KCNH8: variants seen among roughly 807,000 people sequenced by gnomAD.
KCNH8 encodes the protein potassium voltage-gated channel subfamily H member 8, also known as voltage-gated delayed rectifier potassium channel KCNH8.
In KCNH8, 70 loss-of-function variants were observed where a neutral mutation model predicts 103.6. The ratio of observed to expected loss-of-function variants is 0.68; its 90% CI spans 0.56 to 0.82. The LOEUF (loss-of-function observed/expected upper bound fraction) is 0.82. Among genes scored for constraint, KCNH8 ranks in the 40% least tolerant of loss-of-function variants. The pLI, the probability that KCNH8 is intolerant of heterozygous loss-of-function variation, is 0.00. For synonymous variants in KCNH8, 498 were observed against 489.4 expected (o/e 1.02, Z -0.23); for missense variants, 1,217 against 1,329.9 (o/e 0.92, Z 1.32).
intron 1 of KCNH8, among the ~76,000 whole-genome samples, chr3:19,168,494 A>G (rs1267910519): frequency 1.3e-5 from 2 of 152,206 alleles, no homozygotes; most frequent in African/African-American, 4.8e-5. Flanking sequence ...GCTGAGTCAT[A>G]TTCTACCCAT....
intron 12 of KCNH8, among the ~76,000 whole-genome samples, chr3:19,512,711 A>C (rs1356542781): frequency 6.6e-6 from 1 of 152,148 alleles, no homozygotes; most frequent in Non-Finnish European, 1.5e-5. Flanking sequence ...CCATGAAGAC[A>C]GTTTAAAAGA....
Position 19,253,683 on chromosome 3 carries a change from G to C in KCNH8, c.106G>C (p.Val36Leu), listed in dbSNP as rs1436393520. 1 of 1,613,450 alleles carries C rather than the reference G, an allele frequency of 6.2e-7. No homozygotes were observed. Among genetic ancestry groups the C allele is most frequent in the Non-Finnish European group, 8.5e-7 (1 of 1,179,798 alleles). ...HSNFILANAQ[V>L]AKGFPIVYCS... ...CAACTTCATCCTTGCCAATGCCCAG[G>C]TGGCTAAGGGTTTCCCCATAGTCTA... The change falls in exon 2 of 16, where the codon GTG becomes CTG. Residue 36 changes from valine to leucine, a missense_variant. This residue lies in a region of KCNH8 where 244 missense variants were observed against 256.8 expected (regional missense o/e 0.95). Transcript: ENST00000328405.
chr3:19,415,470 TTTA>T (rs1404791657), intron 7 of KCNH8, among the ~76,000 whole-genome samples: 10 of 151,814 alleles, frequency 6.6e-5, no homozygotes, highest in Middle Eastern at 3.4e-3. Context: ...TTTATTTATG[TTTA>T]TTATTCTACA....
chr3:19,431,612 GGTTT>G (rs763969803), intron 7 of KCNH8, among the ~76,000 whole-genome samples: 74 of 152,158 alleles, frequency 4.9e-4, no homozygotes, highest in East Asian at 7.7e-4. Flanking sequence ...TGTGGTCATG[GGTTT>G]GTTTGTTTGT....
At chr3:19,302,727 C>T (rs951501191) in intron 3 of KCNH8, among the ~76,000 whole-genome samples, 1 of 152,276 alleles carries the variant, frequency 6.6e-6, no homozygotes, top group South Asian at 2.1e-4. Flanking sequence ...TCTTCATCCC[C>T]AACCCTTTAT....
At chr3:19,442,791 T>C (rs2067302158) in intron 8 of KCNH8, among the ~76,000 whole-genome samples, 1 of 152,102 alleles carries the variant, frequency 6.6e-6, no homozygotes, top group Non-Finnish European at 1.5e-5. Flanking sequence ...CTAGGAAAAA[T>C]GATGCCTGCA....
chr3:19,515,438 A>G lies in KCNH8; in HGVS notation c.2542+10A>G, dbSNP rs768452190. ...TCTCCTCCTCTTGGAGGTAAGATCT[A>G]TATTTAGTCTTCTCCTAAGGTAAAA... On this transcript the variant is annotated intron_variant, in intron 14 of 15. Transcript: ENST00000328405. 5.2e-6 allele frequency: 7 copies of G among 1,353,898 alleles called. No individual in the cohort carries two copies. The highest frequency in any genetic ancestry group is 4.3e-5 in the South Asian group (3 of 69,116). 83.9% of individuals were successfully genotyped at this position (1,353,898 alleles called of 1,614,324 possible).
intron 1 of KCNH8, among the ~76,000 whole-genome samples, chr3:19,247,938 AC>A (rs2064226678): frequency 6.6e-6 from 1 of 152,218 alleles, no homozygotes; most frequent in Admixed American, 6.5e-5. Flanking sequence ...ACACTATTCT[AC>A]TTAGAGTTGT....
At chr3:19,304,876 A>C (rs2065109995) in intron 3 of KCNH8, among the ~76,000 whole-genome samples, 2 of 152,086 alleles carry the variant, frequency 1.3e-5, no homozygotes, top group South Asian at 4.1e-4. Context: ...AAATGTGAAA[A>C]GCCACATGTT....
At chr3:19,241,616 A>G (rs2064142353) in intron 1 of KCNH8, among the ~76,000 whole-genome samples, 1 of 152,172 alleles carries the variant, frequency 6.6e-6, no homozygotes, top group Non-Finnish European at 1.5e-5. Flanking sequence ...GGTGGCTTCC[A>G]TGGTGTCATA....
At chr3:19,193,935 T>G (rs34892402) in intron 1 of KCNH8, among the ~76,000 whole-genome samples, 16,832 of 151,698 alleles carry the variant, frequency 0.11, 3,081 homozygotes, top group African/African-American at 0.38. Flanking sequence ...TAAATATAAG[T>G]TGCTATTATT....
intron 5 of KCNH8, among the ~76,000 whole-genome samples, chr3:19,356,598 T>G (rs560305692): frequency 1.3e-5 from 2 of 152,088 alleles, no homozygotes; most frequent in South Asian, 4.1e-4. Flanking sequence ...ATCATCCTAT[T>G]TAATTAAGCT....
chr3:19,379,468 C>T (rs372446055), intron 5 of KCNH8, among the ~76,000 whole-genome samples: 3 of 151,898 alleles, frequency 2.0e-5, no homozygotes, highest in East Asian at 1.9e-4. Flanking sequence ...GGTGAAACCC[C>T]GTCTCTACTA....
intron 3 of KCNH8, among the ~76,000 whole-genome samples, chr3:19,310,524 CATT>C (rs2065194453): frequency 6.6e-6 from 1 of 151,708 alleles, no homozygotes; most frequent in Admixed American, 6.6e-5. Flanking sequence ...AGAATCATAA[CATT>C]ATTGTTTTTA....
intron 8 of KCNH8, among the ~76,000 whole-genome samples, chr3:19,441,827 G>A (rs75978369): frequency 0.015 from 2,287 of 152,286 alleles, 34 homozygotes; most frequent in Non-Finnish European, 0.025. Flanking sequence ...CCTTGCATGA[G>A]AGATGTGATA....
intron 1 of KCNH8, among the ~76,000 whole-genome samples, chr3:19,185,300 T>C (rs2063491657): frequency 1.3e-5 from 2 of 151,970 alleles, no homozygotes; most frequent in South Asian, 4.1e-4. Context: ...TATCTGTGTT[T>C]TGATTATAGT....
intron 1 of KCNH8, among the ~76,000 whole-genome samples, chr3:19,241,690 C>T (rs913342466): frequency 2.0e-5 from 3 of 151,430 alleles, no homozygotes; most frequent in Admixed American, 2.0e-4. Flanking sequence ...ATGTGTGTCT[C>T]AGGTAATATT....
chr3:19,346,153 G>C (rs977595248), intron 4 of KCNH8, among the ~76,000 whole-genome samples: 1 of 151,998 alleles, frequency 6.6e-6, no homozygotes, highest in African/African-American at 2.4e-5. Flanking sequence ...ATTTGGATTA[G>C]AACCAATCAT....
At chr3:19,436,476 G>A (rs2067201349) in intron 7 of KCNH8, among the ~76,000 whole-genome samples, 1 of 152,174 alleles carries the variant, frequency 6.6e-6, no homozygotes, top group Non-Finnish European at 1.5e-5. Flanking sequence ...CTGTGAAAAA[G>A]TTTTATTTGG....
Sources: allele counts gnomAD v4.1 joint callset (sites outside exome capture counted in the v4.1 genomes callset), GRCh38; gene constraint gnomAD v4.1.1; regional missense constraint gnomAD v4.1.1; transcripts MANE v1.5; gene names NCBI Gene and HGNC (gene_info 2026-07-23, HGNC 2026-07-21).